The following AGTR1 variants were observed in gnomAD, a reference collection of about 807,000 sequenced individuals.
AGTR1 encodes type-1 angiotensin II receptor.
In AGTR1, 16 loss-of-function variants were observed where a neutral mutation model predicts 19.4. The ratio of observed to expected loss-of-function variants is 0.82; its 90% confidence interval spans 0.56 to 1.25. The LOEUF (loss-of-function observed/expected upper bound fraction) is 1.25, where lower values mean the gene tolerates loss of function less well. Ranked by LOEUF, AGTR1 falls within the 50% of genes most tolerant of loss-of-function variation. The pLI is 0.00. For synonymous variants in AGTR1, 153 were observed against 154.9 expected, an observed-to-expected ratio of 0.99 and a Z score of 0.09; for missense variants, 373 against 431.9, an observed-to-expected ratio of 0.86 and a Z score of 1.21.
At position 148,741,128 on chromosome 3, in the gene AGTR1, T is replaced by C; in HGVS notation, c.93T>C (p.Ile31=). Residue 31 remains isoleucine, a synonymous_variant, in exon 3 of 3, where the codon ATT becomes ATC. Coordinates refer to ENST00000349243, the MANE Select transcript of AGTR1 (RefSeq NM_000685.5). ...GGCATAATTACATATTTGTCATGAT[T>C]CCTACTTTATACAGTATCATCTTTG... ...AGRHNYIFVM[I]PTLYSIIFVV... The C allele has an allele frequency of 6.2e-7, 1 of 1,614,184 alleles. No homozygotes were observed. Among genetic ancestry groups the C allele is most frequent in the Non-Finnish European group, 8.5e-7 (1 of 1,180,016 alleles).
At chr3:148,722,247 C>CTAT (rs1215118082) in intron 2 of AGTR1, among the ~76,000 whole-genome samples, 2 of 152,132 alleles carry the variant, frequency 1.3e-5, no homozygotes, top group East Asian at 3.9e-4. Flanking sequence ...GATTATTACA[C>CTAT]TATTACATTA....
At chr3:148,712,127 G>A (rs574455508) in intron 2 of AGTR1, among the ~76,000 whole-genome samples, 2 of 152,042 alleles carry the variant, frequency 1.3e-5, no homozygotes, top group East Asian at 1.9e-4. Flanking sequence ...TTGCTGACAG[G>A]AAAGGCTTTT....
chr3:148,726,308 A>C lies in AGTR1; in HGVS notation c.-47-14681A>C, dbSNP rs946613140. ...ACTGCAACTTCCACCTCCTGGGTTC[A>C]AGTGATTCTCCTACATCAGCCTCCC... On this transcript the variant is annotated intron_variant, in intron 2 of 2. Transcript: ENST00000349243. Among the ~76,000 whole-genome samples, 5 of 152,180 alleles carry C rather than the reference A, an allele frequency of 3.3e-5. No individual in the cohort carries two copies. In the South Asian group the frequency reaches 1.0e-3, roughly 32 times the overall value.
At chr3:148,733,102 T>C (rs1260280887) in intron 2 of AGTR1, among the ~76,000 whole-genome samples, 1 of 152,102 alleles carries the variant, frequency 6.6e-6, no homozygotes, top group Non-Finnish European at 1.5e-5. Flanking sequence ...GGAAGCTAAA[T>C]GACTGCTTCA....
intron 2 of AGTR1, chr3:148,731,176 A>G (rs2107961103): frequency 6.6e-6 from 1 of 152,224 alleles, no homozygotes; most frequent in South Asian, 2.1e-4. Flanking sequence ...CTCACTTTCT[A>G]TTTCTTTTGG....
intron 2 of AGTR1, among the ~76,000 whole-genome samples, chr3:148,715,516 C>G (rs1713254087): frequency 6.6e-6 from 1 of 151,984 alleles, no homozygotes; most frequent in African/African-American, 2.4e-5. Flanking sequence ...TTAGAGACAT[C>G]CCCCAGAGTA....
chr3:148,734,763 G>A (rs12721224), intron 2 of AGTR1, among the ~76,000 whole-genome samples: 1 of 152,164 alleles, frequency 6.6e-6, no homozygotes, highest in African/African-American at 2.4e-5. Flanking sequence ...CATGGTGCCA[G>A]GTGGTCTGCC....
chr3:148,739,373 A>G (rs1714749276), intron 2 of AGTR1, among the ~76,000 whole-genome samples: 1 of 152,070 alleles, frequency 6.6e-6, no homozygotes. Flanking sequence ...AAAAAAAAAA[A>G]AAGTGTCAAA....
chr3:148,711,886 C>G (rs993375756), intron 2 of AGTR1, among the ~76,000 whole-genome samples: 1 of 151,966 alleles, frequency 6.6e-6, no homozygotes, highest in Non-Finnish European at 1.5e-5. Flanking sequence ...GTATCTAGGA[C>G]TACAGGCACA....
At chr3:148,709,792 A>G (rs532675634) in intron 2 of AGTR1, among the ~76,000 whole-genome samples, 1 of 152,294 alleles carries the variant, frequency 6.6e-6, no homozygotes, top group Admixed American at 6.5e-5. Flanking sequence ...GATTTAAACT[A>G]GTGATATGTA....
In AGTR1 at chr3:148,726,796, T is replaced by C. The variant is rs527837726; in HGVS notation, c.-47-14193T>C. ...CCCCCACCGAGTTGCATATCACAAC[T>C]TCAAATGTCTCACTAAAATGTTACC... On this transcript the variant is annotated intron_variant, in intron 2 of 2. Coordinates refer to ENST00000349243, the MANE Select transcript of AGTR1 (RefSeq NM_000685.5). Among the ~76,000 whole-genome samples the C allele has an allele frequency of 1.3e-4, 20 of 152,284 alleles. No individual in the cohort carries two copies. The East Asian group carries it at 3.5e-3, about 26-fold the overall frequency.
chr3:148,725,861 A>C (rs1040515889), intron 2 of AGTR1, among the ~76,000 whole-genome samples: 2 of 152,218 alleles, frequency 1.3e-5, no homozygotes, highest in Non-Finnish European at 2.9e-5. Context: ...GACTCTGCTA[A>C]CATTAATTAA....
chr3:148,726,826 T>A (rs1257555505), intron 2 of AGTR1, among the ~76,000 whole-genome samples: 1 of 152,214 alleles, frequency 6.6e-6, no homozygotes, highest in Non-Finnish European at 1.5e-5. Context: ...GTTACCCATT[T>A]GGCATCAGTA....
At chr3:148,725,219 G>C (rs1401354339) in intron 2 of AGTR1, among the ~76,000 whole-genome samples, 4 of 152,042 alleles carry the variant, frequency 2.6e-5, no homozygotes, top group South Asian at 4.1e-4. Context: ...AATTAGTTGA[G>C]GTTTGATTCA....
At chr3:148,734,937 G>A (rs1227714786) in intron 2 of AGTR1, among the ~76,000 whole-genome samples, 2 of 152,196 alleles carry the variant, frequency 1.3e-5, no homozygotes, top group Non-Finnish European at 2.9e-5. Context: ...GGCAACCTCA[G>A]TAGAGATGAA....
At chr3:148,725,167 T>G (rs12721328) in intron 2 of AGTR1, among the ~76,000 whole-genome samples, 2,373 of 152,244 alleles carry the variant, frequency 0.016, 73 homozygotes, top group African/African-American at 0.055. Flanking sequence ...GCAACAAAAT[T>G]TTTCTCTGAA....
chr3:148,722,001 G>A (rs4524238), intron 2 of AGTR1, among the ~76,000 whole-genome samples: 47,550 of 151,988 alleles, frequency 0.31, 10,262 homozygotes, highest in African/African-American at 0.62. Context: ...CTAAGAAACC[G>A]TAAAAGTCAG....
At chr3:148,711,207 T>A (rs1712966598) in intron 2 of AGTR1, among the ~76,000 whole-genome samples, 1 of 152,218 alleles carries the variant, frequency 6.6e-6, no homozygotes, top group South Asian at 2.1e-4. Flanking sequence ...ACTAATACGA[T>A]AACATTAATA....
intron 2 of AGTR1, among the ~76,000 whole-genome samples, chr3:148,732,821 A>G (rs1324714862): frequency 7.1e-6 from 1 of 141,642 alleles, no homozygotes; most frequent in Non-Finnish European, 1.5e-5. Context: ...GCTCACTGCA[A>G]GCTCTGCCTC....
Sources: allele counts gnomAD v4.1 joint callset (sites outside exome capture counted in the v4.1 genomes callset), GRCh38; gene constraint gnomAD v4.1.1; transcripts MANE v1.5; gene names NCBI Gene and HGNC (gene_info 2026-07-23, HGNC 2026-07-21).